The following CTNNA3 variants were observed in gnomAD, a reference collection of about 807,000 sequenced individuals.
CTNNA3 encodes the protein catenin alpha 3, also known as catenin alpha-3.
Under a neutral mutation model 95.7 loss-of-function variants are expected in CTNNA3, and 76 were observed. That is an observed-to-expected ratio of 0.79 (90% CI 0.66 to 0.96). The LOEUF (loss-of-function observed/expected upper bound fraction) is 0.96, where lower values mean the gene tolerates loss of function less well. Ranked by LOEUF, CTNNA3 falls within the 40% of genes least tolerant of loss-of-function variation. CTNNA3 has a pLI of 0.00. For synonymous variants in CTNNA3, 431 were observed against 374.4 expected (o/e 1.15, Z -1.74); for missense variants, 1,191 against 1,089.8 (o/e 1.09, Z -1.31).
At chr10:67,615,107 C>T (rs1843603739) in intron 2 of CTNNA3, among the ~76,000 whole-genome samples, 1 of 152,164 alleles carries the variant, frequency 6.6e-6, no homozygotes, top group South Asian at 2.1e-4. Context: ...GGAAATGGCA[C>T]AATTCAATCC....
chr10:67,430,730 G>A (rs534113797), intron 5 of CTNNA3, among the ~76,000 whole-genome samples: 20 of 150,594 alleles, frequency 1.3e-4, no homozygotes, highest in African/African-American at 4.4e-4. Context: ...TGCAGCTTAG[G>A]GTCTAATGAA....
intron 15 of CTNNA3, among the ~76,000 whole-genome samples, chr10:65,993,497 G>A (rs2078585771): frequency 6.6e-6 from 1 of 151,916 alleles, no homozygotes; most frequent in African/African-American, 2.4e-5. Flanking sequence ...TTAATATAAT[G>A]ACCTTCATTG....
At chr10:67,129,719 G>A (rs1321598290) in intron 7 of CTNNA3, among the ~76,000 whole-genome samples, 2 of 151,966 alleles carry the variant, frequency 1.3e-5, no homozygotes, top group Non-Finnish European at 1.5e-5. Context: ...CAATAGAAAC[G>A]AAAGTGCTAA....
chr10:66,716,894 T>C (rs867045321), intron 9 of CTNNA3, among the ~76,000 whole-genome samples: 1 of 152,322 alleles, frequency 6.6e-6, no homozygotes, highest in Middle Eastern at 3.4e-3. Context: ...GTCAAATATT[T>C]ATCTAAATGT....
At chr10:66,402,055 G>A (rs548092652) in intron 11 of CTNNA3, among the ~76,000 whole-genome samples, 2 of 152,164 alleles carry the variant, frequency 1.3e-5, no homozygotes, top group East Asian at 3.9e-4. Flanking sequence ...ATGCTCATGA[G>A]ACAAAATAAT....
intron 9 of CTNNA3, among the ~76,000 whole-genome samples, chr10:66,720,409 A>G (rs973566534): frequency 3.3e-5 from 5 of 152,196 alleles, no homozygotes; most frequent in Admixed American, 6.5e-5. Context: ...ATTTGCAACA[A>G]GTTGATAGGG....
intron 11 of CTNNA3, among the ~76,000 whole-genome samples, chr10:66,384,445 T>C (rs2092871307): frequency 6.6e-6 from 1 of 152,080 alleles, no homozygotes; most frequent in Admixed American, 6.6e-5. Flanking sequence ...ATAAAGCAAG[T>C]CCTTAGAGAC....
intron 9 of CTNNA3, among the ~76,000 whole-genome samples, chr10:66,752,711 A>G (rs1305140914): frequency 6.6e-6 from 1 of 152,190 alleles, no homozygotes; most frequent in Non-Finnish European, 1.5e-5. Flanking sequence ...AAATACATAA[A>G]CAACTTTTAA....
At chr10:66,776,732 G>C (rs1259667817) in intron 7 of CTNNA3, among the ~76,000 whole-genome samples, 1 of 151,964 alleles carries the variant, frequency 6.6e-6, no homozygotes, top group Non-Finnish European at 1.5e-5. Context: ...GTTTCTACAG[G>C]GAGTTCTTCC....
intron 1 of CTNNA3, among the ~76,000 whole-genome samples, chr10:67,657,663 T>C (rs1840062845): frequency 6.6e-6 from 1 of 151,840 alleles, no homozygotes; most frequent in Admixed American, 6.6e-5. Context: ...CTGGCCAACA[T>C]AGTGAAATCC....
At chr10:67,413,723 A>G (rs930827630) in intron 5 of CTNNA3, among the ~76,000 whole-genome samples, 9 of 152,146 alleles carry the variant, frequency 5.9e-5, no homozygotes, top group African/African-American at 2.2e-4. Context: ...TTGAAACTAT[A>G]CCAAGTATAC....
intron 7 of CTNNA3, among the ~76,000 whole-genome samples, chr10:66,918,349 T>C (rs370426544): frequency 2.6e-5 from 4 of 152,174 alleles, no homozygotes; most frequent in African/African-American, 9.7e-5. Context: ...TCTGATGGCA[T>C]AAATACCACA....
intron 1 of CTNNA3, among the ~76,000 whole-genome samples, chr10:67,677,151 T>C (rs1203345280): frequency 6.6e-6 from 1 of 152,140 alleles, no homozygotes; most frequent in African/African-American, 2.4e-5. Flanking sequence ...GCAAGCTTTC[T>C]CAAGTTAGAA....
intron 13 of CTNNA3, among the ~76,000 whole-genome samples, chr10:66,169,454 C>T (rs2131827172): frequency 6.6e-6 from 1 of 152,190 alleles, no homozygotes; most frequent in African/African-American, 2.4e-5. Context: ...CACATTTTTG[C>T]AATTATGAAT....
At chr10:66,336,292 A>G (rs1021670486) in intron 12 of CTNNA3, among the ~76,000 whole-genome samples, 1 of 151,962 alleles carries the variant, frequency 6.6e-6, no homozygotes. Context: ...CTCAGTTGGA[A>G]ATGCAGAAAT....
intron 5 of CTNNA3, among the ~76,000 whole-genome samples, chr10:67,335,054 A>ACG (rs773200172): frequency 2.0e-5 from 3 of 152,088 alleles, no homozygotes. Context: ...ACACACACAC[A>ACG]TTGATGAGAA....
rs74143428 is a variant in CTNNA3, at chr10:66,594,291, C to T, written c.1374+27401G>A. ...TCAATGTGACAAGTTTCATTGTTTC[C>T]ACAACCACCACCTTTGGTTAGTCCA... On this transcript the variant is annotated intron_variant, in intron 10 of 17. Coordinates refer to ENST00000433211, the MANE Select transcript of CTNNA3 (RefSeq NM_013266.4). Among the ~76,000 whole-genome samples the T allele has an allele frequency of 1.1e-3, 172 of 152,222 alleles. 2 individuals are homozygous for T. Among genetic ancestry groups the T allele is most frequent in the African/African-American group, 4.0e-3 (165 of 41,538 alleles).
intron 1 of CTNNA3, among the ~76,000 whole-genome samples, chr10:67,715,144 G>C (rs1841135356): frequency 6.6e-6 from 1 of 152,146 alleles, no homozygotes; most frequent in Admixed American, 6.5e-5. Flanking sequence ...ATAGAAACTT[G>C]AGCTATTGGA....
At chr10:66,710,882 A>T (rs1848269422) in intron 9 of CTNNA3, among the ~76,000 whole-genome samples, 2 of 152,238 alleles carry the variant, frequency 1.3e-5, no homozygotes, top group East Asian at 3.9e-4. Flanking sequence ...TTCTGTTTGC[A>T]TCAGGTATGT....
Sources: gnomAD v4.1 joint callset for allele counts (sites outside exome capture counted in the v4.1 genomes callset) on GRCh38, gnomAD v4.1.1 for gene constraint, MANE v1.5 for transcripts, NCBI Gene and HGNC (gene_info 2026-07-23, HGNC 2026-07-21) for gene names.